ANK3: variants seen among roughly 807,000 people sequenced by gnomAD.
ANK3 encodes ankyrin 3, also known as ankyrin-3.
A neutral mutation model predicts 370.9 loss-of-function variants in ANK3; 57 were observed. The ratio of observed to expected loss-of-function variants is 0.15; its 90% CI spans 0.12 to 0.19. The LOEUF is 0.19. ANK3 is among the 10% of genes least tolerant of loss of function. The pLI is 1.00. For missense variants in ANK3, 4,439 were observed against 5,302.1 expected (o/e 0.84, Z 5.06); for synonymous variants, 1,929 against 1,946.3 (o/e 0.99, Z 0.23).
At chr10:60,107,312 T>C (rs184400354) in intron 27 of ANK3, among the ~76,000 whole-genome samples, 3 of 152,340 alleles carry the variant, frequency 2.0e-5, no homozygotes, top group Admixed American at 2.0e-4. Context: ...CATTAAATTG[T>C]ATTTATTTTT....
At chr10:60,380,012 A>C (rs368012015) in intron 1 of ANK3, among the ~76,000 whole-genome samples, 1 of 146,540 alleles carries the variant, frequency 6.8e-6, no homozygotes, top group African/African-American at 2.8e-5. Flanking sequence ...AACCCCCCCC[A>C]AATCAGCTGA....
rs533414209 is a variant in ANK3 at position 60,082,413 on chromosome 10, C to T, written c.4323+202G>A. The T allele has an allele frequency of 4.1e-5, 31 of 752,808 alleles. No individual in the cohort carries two copies. The African/African-American group carries it at 4.7e-4, about 11-fold the overall frequency. The allele number at this position is 752,808 out of a possible 1,614,324, so 46.6% of individuals were successfully genotyped here. A position where few individuals can be genotyped will look rare whatever the true frequency, so the allele number is the denominator to read the frequency against. On this transcript the variant is annotated intron_variant, in intron 34 of 43. Coordinates refer to ENST00000280772, the MANE Select transcript of ANK3 (RefSeq NM_020987.5). ...TATGCGCTACCAGCAGAAGCAAAAG[C>T]GATAAACAGAGAAGACTCCATCATA...
At chr10:60,659,199 A>G (rs765638822) in intron 1 of ANK3, among the ~76,000 whole-genome samples, 11 of 152,190 alleles carry the variant, frequency 7.2e-5, no homozygotes, top group Non-Finnish European at 1.5e-4. Flanking sequence ...TAGAATTAAT[A>G]AAGTATCTAT....
chr10:60,647,690 A>T (rs2133358228), intron 1 of ANK3, among the ~76,000 whole-genome samples: 1 of 152,224 alleles, frequency 6.6e-6, no homozygotes, highest in Admixed American at 6.5e-5. Context: ...TCTATCTATA[A>T]TGCTGTTCAT....
At chr10:60,634,957 T>A (rs1323022402) in intron 1 of ANK3, among the ~76,000 whole-genome samples, 1 of 152,144 alleles carries the variant, frequency 6.6e-6, no homozygotes, top group Non-Finnish European at 1.5e-5. Flanking sequence ...GCACACACCA[T>A]CTTTAAGAAC....
At chr10:60,518,893 G>A (rs2076285584) in intron 2 of ANK3, among the ~76,000 whole-genome samples, 1 of 151,336 alleles carries the variant, frequency 6.6e-6, no homozygotes, top group African/African-American at 2.4e-5. Flanking sequence ...CTGATAAAAA[G>A]AACCCAGCCA....
intron 1 of ANK3, among the ~76,000 whole-genome samples, chr10:60,667,941 T>C (rs1341267494): frequency 6.6e-6 from 1 of 151,542 alleles, no homozygotes; most frequent in Non-Finnish European, 1.5e-5. Context: ...ATAAGCTTGC[T>C]TGGGTTCAGA....
At chr10:60,620,602 A>G (rs1391849662) in intron 1 of ANK3, among the ~76,000 whole-genome samples, 5 of 152,218 alleles carry the variant, frequency 3.3e-5, no homozygotes, top group Non-Finnish European at 7.3e-5. Context: ...CCAGAGGCTC[A>G]TTTGATACCA....
rs769626018 is a variant in ANK3, at chr10:60,198,313, G to A, written c.1689+27C>T. 3.1e-6 allele frequency: 5 copies of A among 1,611,026 alleles called. 1 individual carries two copies. In the South Asian group the frequency reaches 5.5e-5, roughly 18 times the overall value. The stretch of plus-strand genomic sequence containing the variant: ...AGGAAGATGTATTTGGGGGGACAGA[G>A]CAGGATTCTGAGATTTGCTTTCATA... On this transcript the variant is annotated intron_variant, in intron 14 of 43. Transcript: ENST00000280772.
At chr10:60,470,080 C>T (rs1321278541) in intron 2 of ANK3, among the ~76,000 whole-genome samples, 1 of 152,064 alleles carries the variant, frequency 6.6e-6, no homozygotes, top group African/African-American at 2.4e-5. Context: ...AAAATATTTA[C>T]AATAATCTTC....
At chr10:60,337,960 T>C (rs1272824451) in intron 1 of ANK3, among the ~76,000 whole-genome samples, 1 of 152,204 alleles carries the variant, frequency 6.6e-6, no homozygotes, top group African/African-American at 2.4e-5. Context: ...GACATTTCAT[T>C]TGGCTCCACT....
intron 1 of ANK3, among the ~76,000 whole-genome samples, chr10:60,635,675 A>T (rs936237217): frequency 6.8e-6 from 1 of 147,854 alleles, no homozygotes; most frequent in Non-Finnish European, 1.5e-5. Flanking sequence ...ATTTTAAAAA[A>T]TAAATTATTA....
chr10:60,694,437 A>C (rs1455849304), intron 1 of ANK3, among the ~76,000 whole-genome samples: 8 of 152,186 alleles, frequency 5.3e-5, no homozygotes, highest in East Asian at 1.9e-4. Context: ...CTCCAAGACA[A>C]ATAATTGTCA....
At chr10:60,304,768 C>G (rs945043513) in intron 1 of ANK3, among the ~76,000 whole-genome samples, 2 of 152,168 alleles carry the variant, frequency 1.3e-5, no homozygotes, top group African/African-American at 2.4e-5. Flanking sequence ...GACTGCACAT[C>G]AAAATCTAGA....
chr10:60,117,361 G>A (rs942073006), intron 25 of ANK3, among the ~76,000 whole-genome samples: 14 of 152,192 alleles, frequency 9.2e-5, no homozygotes, highest in African/African-American at 3.1e-4. Flanking sequence ...AGCTCTAAGC[G>A]AGATGAGGTA....
At chr10:60,632,644 C>T (rs532862228) in intron 1 of ANK3, among the ~76,000 whole-genome samples, 1 of 152,016 alleles carries the variant, frequency 6.6e-6, no homozygotes, top group South Asian at 2.1e-4. Context: ...CCCAGCTACT[C>T]AAGAAGCTGA....
intron 25 of ANK3, among the ~76,000 whole-genome samples, chr10:60,129,895 A>G (rs752911119): frequency 2.0e-5 from 3 of 152,214 alleles, no homozygotes; most frequent in East Asian, 1.9e-4. Context: ...TTTCAAAAAC[A>G]TATCTTCAGG....
chr10:60,061,257 A>G (rs556075056), intron 40 of ANK3, among the ~76,000 whole-genome samples: 22 of 152,358 alleles, frequency 1.4e-4, no homozygotes, highest in Non-Finnish European at 2.5e-4. Context: ...AATCTGCCTA[A>G]GTGAAATTAC....
chr10:60,038,399 TAAA>T (rs1352616259), intron 43 of ANK3, among the ~76,000 whole-genome samples: 1 of 152,024 alleles, frequency 6.6e-6, no homozygotes, highest in Non-Finnish European at 1.5e-5. Flanking sequence ...GTCTCAAAAA[TAAA>T]AGAAGAAACA....
Sources: allele counts gnomAD v4.1 joint callset (sites outside exome capture counted in the v4.1 genomes callset), GRCh38; gene constraint gnomAD v4.1.1; transcripts MANE v1.5; gene names NCBI Gene and HGNC (gene_info 2026-07-23, HGNC 2026-07-21).